The following IL1RAPL1 variants were observed in gnomAD, a reference collection of about 807,000 sequenced individuals.
IL1RAPL1 encodes interleukin-1 receptor accessory protein-like 1.
A neutral mutation model predicts 48.4 loss-of-function variants in IL1RAPL1; 3 were observed. The observed-to-expected ratio is 0.06, with a 90% CI of 0.03 to 0.16. IL1RAPL1 has a LOEUF of 0.16. Among genes scored for constraint, IL1RAPL1 ranks in the 10% least tolerant of loss-of-function variants. IL1RAPL1 has a pLI of 1.00. For synonymous variants in IL1RAPL1, 185 were observed against 187.7 expected (o/e 0.99, Z 0.12); for missense variants, 349 against 530.6 (o/e 0.66, Z 3.36).
At chrX:28,961,009 C>CAAAAA (rs397947609) in intron 2 of IL1RAPL1, among the ~76,000 whole-genome samples, 488 of 17,484 alleles carry the variant, frequency 0.028, 115 homozygotes, top group South Asian at 0.051. Context: ...GACTCCGTCT[C>CAAAAA]AAAAAAAAAA....
At chrX:29,816,005 C>A (rs1236916286) in intron 6 of IL1RAPL1, among the ~76,000 whole-genome samples, 61 of 110,684 alleles carry the variant, frequency 5.5e-4, no homozygotes, top group Non-Finnish European at 5.7e-5. Flanking sequence ...AACATCACAC[C>A]TAGAGGGACT....
intron 6 of IL1RAPL1, among the ~76,000 whole-genome samples, chrX:29,709,283 T>C (rs1927278144): frequency 8.9e-6 from 1 of 111,763 alleles, no homozygotes; most frequent in Non-Finnish European, 1.9e-5. Flanking sequence ...GGTCTTACAT[T>C]TAAGCCTTTT....
chrX:29,508,077 A>C (rs1015933195), intron 5 of IL1RAPL1, among the ~76,000 whole-genome samples: 1 of 111,732 alleles, frequency 8.9e-6, no homozygotes, highest in African/African-American at 3.3e-5. Context: ...CTTCATTGTG[A>C]AATCAATCTC....
At position 28,882,441 on chromosome X, in the gene IL1RAPL1, G is replaced by C. The variant is rs191411102; in HGVS notation, c.82+93016G>C. On this transcript the variant is annotated intron_variant, in intron 2 of 10. Transcript: ENST00000378993. ...GCGGATCACTTGAGGTCAGGAGTTTGAGACCAGCCTGGCCAACATGGTGAA... is the reference window on the plus strand; with the variant it reads ...GCGGATCACTTGAGGTCAGGAGTTTCAGACCAGCCTGGCCAACATGGTGAA... Among the ~76,000 whole-genome samples, 442 of 111,983 alleles carry C rather than the reference G, an allele frequency of 3.9e-3. 4 individuals carry two copies. The highest frequency in any genetic ancestry group is 0.014 in the African/African-American group (420 of 30,841).
intron 2 of IL1RAPL1, among the ~76,000 whole-genome samples, chrX:29,241,398 C>T (rs1205861539): frequency 9.0e-6 from 1 of 111,161 alleles, no homozygotes; most frequent in Non-Finnish European, 1.9e-5. Context: ...AGCTTTTTGC[C>T]TCATTTCTCT....
intron 2 of IL1RAPL1, among the ~76,000 whole-genome samples, chrX:29,163,200 G>A (rs887984795): frequency 5.4e-5 from 6 of 111,757 alleles, no homozygotes; most frequent in African/African-American, 1.9e-4. Flanking sequence ...TTACTTGTAA[G>A]TTGGGGCCAA....
At chrX:29,945,481 G>A (rs1933198761) in intron 9 of IL1RAPL1, among the ~76,000 whole-genome samples, 1 of 111,351 alleles carries the variant, frequency 9.0e-6, no homozygotes, top group Admixed American at 9.5e-5. Context: ...TTGAAAGTAA[G>A]ATAAGGCAAA....
intron 6 of IL1RAPL1, among the ~76,000 whole-genome samples, chrX:29,863,064 T>G (rs1028064417): frequency 9.2e-6 from 1 of 109,060 alleles, no homozygotes; most frequent in Non-Finnish European, 1.9e-5. Flanking sequence ...CAAAAGACCA[T>G]GAACTCAAAT....
intron 2 of IL1RAPL1, among the ~76,000 whole-genome samples, chrX:29,181,785 T>TC (rs1157721163): frequency 2.7e-5 from 3 of 112,323 alleles, no homozygotes; most frequent in African/African-American, 9.7e-5. Context: ...CAAGAAATGC[T>TC]CCTTTTTAAA....
intron 2 of IL1RAPL1, among the ~76,000 whole-genome samples, chrX:29,167,076 A>C (rs748371305): frequency 4.0e-4 from 45 of 111,888 alleles, no homozygotes; most frequent in Admixed American, 2.5e-3. Context: ...TTATTGTTAA[A>C]TTTTATGCTA....
intron 5 of IL1RAPL1, among the ~76,000 whole-genome samples, chrX:29,579,850 G>A (rs1323689833): frequency 1.8e-5 from 2 of 111,912 alleles, no homozygotes; most frequent in Admixed American, 9.5e-5. Context: ...GAGAATAAAA[G>A]ACAGTGGCAC....
chrX:29,401,777 A>G (rs768487736), intron 5 of IL1RAPL1, among the ~76,000 whole-genome samples: 1 of 111,300 alleles, frequency 9.0e-6, no homozygotes, highest in Non-Finnish European at 1.9e-5. Context: ...TTTATGGGTG[A>G]TCGATCCTTC....
chrX:29,320,691 G>A (rs758879990), intron 3 of IL1RAPL1, among the ~76,000 whole-genome samples: 1 of 109,889 alleles, frequency 9.1e-6, no homozygotes, highest in African/African-American at 3.3e-5. Flanking sequence ...GCTTGAAACC[G>A]GGAGGCTGAG....
At chrX:28,840,323 C>G (rs1921337301) in intron 2 of IL1RAPL1, among the ~76,000 whole-genome samples, 1 of 110,690 alleles carries the variant, frequency 9.0e-6, no homozygotes, top group South Asian at 3.7e-4. Flanking sequence ...AGACCTTATT[C>G]AGATTTCACC....
intron 1 of IL1RAPL1, among the ~76,000 whole-genome samples, chrX:28,608,504 C>T (rs1031313114): frequency 8.9e-6 from 1 of 111,848 alleles, no homozygotes; most frequent in Non-Finnish European, 1.9e-5. Context: ...CTTTTCTATA[C>T]TGAAGAAAAT....
intron 1 of IL1RAPL1, among the ~76,000 whole-genome samples, chrX:28,611,028 T>C (rs775344240): frequency 8.1e-5 from 9 of 111,377 alleles, no homozygotes; most frequent in South Asian, 7.8e-4. Flanking sequence ...TCATCACCAC[T>C]GCATGTTAGT....
chrX:29,120,114 C>A lies in IL1RAPL1; in HGVS notation c.83-162824C>A, dbSNP rs1222239779. Among the ~76,000 whole-genome samples the A allele has an allele frequency of 3.6e-5, 4 of 111,783 alleles. No homozygotes were observed. In the Admixed American group the frequency reaches 3.8e-4, roughly 11 times the overall value. ...CACACAGACTTACCCAAGATAGTTT[C>A]TTTTGCTGTGCAGAAGCTCTTTAGT... On this transcript the variant is annotated intron_variant, in intron 2 of 10. Coordinates refer to ENST00000378993, the MANE Select transcript of IL1RAPL1 (RefSeq NM_014271.4).
At chrX:29,072,809 G>C (rs1170285422) in intron 2 of IL1RAPL1, among the ~76,000 whole-genome samples, 2 of 111,746 alleles carry the variant, frequency 1.8e-5, no homozygotes, top group East Asian at 2.8e-4. Flanking sequence ...CTTTCTCCTG[G>C]TACAGGCTAT....
chrX:28,951,786 C>T (rs1244052072), intron 2 of IL1RAPL1, among the ~76,000 whole-genome samples: 1 of 111,943 alleles, frequency 8.9e-6, no homozygotes, highest in African/African-American at 3.2e-5. Flanking sequence ...AGCATCTGAG[C>T]TTCCTGACAG....
Sources: gnomAD v4.1 joint callset for allele counts (sites outside exome capture counted in the v4.1 genomes callset) on GRCh38, gnomAD v4.1.1 for gene constraint, MANE v1.5 for transcripts, NCBI Gene and HGNC (gene_info 2026-07-23, HGNC 2026-07-21) for gene names.